SGSM1: variants seen among roughly 807,000 people sequenced by gnomAD.
SGSM1 encodes the protein RUN and TBC1 domain containing 2.
Under a neutral mutation model 133.8 loss-of-function variants are expected in SGSM1, and 73 were observed. That is an observed-to-expected ratio of 0.55 (90% confidence interval 0.45 to 0.66). The LOEUF is 0.66. Ranked by LOEUF, SGSM1 falls within the 30% of genes least tolerant of loss-of-function variation. SGSM1 has a pLI of 0.00. For synonymous variants in SGSM1, 563 were observed against 573.0 expected (o/e 0.98, Z 0.25); for missense variants, 1,213 against 1,448.1 (o/e 0.84, Z 2.64).
chr22:24,903,952 A>G (rs1933260585), intron 20 of SGSM1, among the ~76,000 whole-genome samples: 1 of 148,698 alleles, frequency 6.7e-6, no homozygotes, highest in Non-Finnish European at 1.5e-5. Context: ...AGCATGGGCA[A>G]CAAGAACAAA....
chr22:24,899,035 A>C lies in SGSM1; in HGVS notation c.2610+476A>C, dbSNP rs891179599. On this transcript the variant is annotated intron_variant, in intron 19 of 24. Transcript: ENST00000400358. ...GAGCAAGATCTCAAAAAAAAAAAAA[A>C]AAAAAAAAAAAACGTGTACAGTGTT... 2.1e-3 allele frequency among the ~76,000 whole-genome samples: 315 copies of C among 149,356 alleles called. 1 individual carries two copies. Among genetic ancestry groups the C allele is most frequent in the Non-Finnish European group, 4.0e-3 (263 of 66,138 alleles).
At chr22:24,845,000 T>G (rs1930015105) in intron 3 of SGSM1, 28 bp downstream of exon 3, 3 of 1,608,668 alleles carry the variant, frequency 1.9e-6, no homozygotes, top group East Asian at 4.5e-5. Context: ...GAAAGTGGCT[T>G]CTTTCTCTGT....
At chr22:24,920,146 C>T (rs1933956102) in intron 24 of SGSM1, among the ~76,000 whole-genome samples, 153 bp downstream of exon 24, 3 of 152,112 alleles carry the variant, frequency 2.0e-5, no homozygotes, top group Non-Finnish European at 2.9e-5. Flanking sequence ...TCCAAAAGGA[C>T]GAGTTCACAT....
intron 22 of SGSM1, among the ~76,000 whole-genome samples, chr22:24,913,135 CA>C (rs994434708): frequency 2.0e-5 from 3 of 151,010 alleles, no homozygotes; most frequent in Non-Finnish European, 4.4e-5. Context: ...ACTAAAAATA[CA>C]AAAAAAATTA....
In SGSM1 at chr22:24,847,673, G is replaced by C; in HGVS notation, c.179G>C (p.Arg60Pro). 2 of 1,613,720 alleles carry C rather than the reference G, an allele frequency of 1.2e-6. No individual in the cohort carries two copies. Among genetic ancestry groups the C allele is most frequent in the Non-Finnish European group, 1.7e-6 (2 of 1,179,848 alleles). ...EACVLHGLRR[R>P]AAGFLRSNKI... ...TGCGTTCTGCACGGGCTTCGGCGGC[G>C]GGCGGCTGGCTTCCTACGCAGCAAT... is the stretch of plus-strand genomic sequence containing the variant. Residue 60 changes from arginine (R) to proline (P), a missense_variant, in exon 4 of 25, where the codon CGG becomes CCG. By Grantham distance (103) the Arg-to-Pro change is moderately radical. Transcript: ENST00000400358.
intron 21 of SGSM1, among the ~76,000 whole-genome samples, chr22:24,909,388 T>C (rs939817728): frequency 2.6e-5 from 4 of 152,214 alleles, no homozygotes; most frequent in Admixed American, 1.3e-4. Context: ...TATGGAGAAA[T>C]TGGAAGCTTT....
chr22:24,849,347 A>G (rs1038865327), intron 4 of SGSM1, among the ~76,000 whole-genome samples: 6 of 152,090 alleles, frequency 3.9e-5, no homozygotes, highest in African/African-American at 1.2e-4. Context: ...TGAGGTCAGG[A>G]GTTCAAGACC....
intron 2 of SGSM1, among the ~76,000 whole-genome samples, chr22:24,811,497 T>G (rs1927740390): frequency 6.6e-6 from 1 of 152,036 alleles, no homozygotes; most frequent in Admixed American, 6.6e-5. Context: ...AGGGGAAACT[T>G]CCCCAGAATG....
chr22:24,903,354 G>T (rs1275283078), intron 20 of SGSM1, among the ~76,000 whole-genome samples: 3 of 151,708 alleles, frequency 2.0e-5, no homozygotes, highest in Non-Finnish European at 4.4e-5. Flanking sequence ...GACTATAGGT[G>T]CACGCTGCCA....
intron 2 of SGSM1, chr22:24,814,069 A>G (rs943864027): frequency 2.6e-5 from 4 of 152,146 alleles, no homozygotes; most frequent in Non-Finnish European, 5.9e-5. Flanking sequence ...CAGCTCCAGG[A>G]TTCCAAGAAC....
rs537086983 is a variant in SGSM1, at chr22:24,859,952, T to C, written c.926+112T>C. On this transcript the variant is annotated intron_variant, in intron 9 of 24. Coordinates refer to ENST00000400358, the MANE Select transcript of SGSM1 (RefSeq NM_001098497.3). ...GTATCCCGCCCCTGCTTCTGCCCCCTCCTCTGCCTGGTTGTTAGGACCACT... is the reference window on the plus strand; with the variant it reads ...GTATCCCGCCCCTGCTTCTGCCCCCCCCTCTGCCTGGTTGTTAGGACCACT... 4.4e-5 allele frequency: 64 copies of C among 1,448,714 alleles called. No homozygotes were observed. The African/African-American group carries it at 7.3e-4, about 16-fold the overall frequency. The allele number at this position is 1,448,714 out of a possible 1,614,324, so 89.7% of individuals were successfully genotyped here.
At chr22:24,835,053 C>T (rs772711420) in intron 2 of SGSM1, among the ~76,000 whole-genome samples, 1 of 152,148 alleles carries the variant, frequency 6.6e-6, no homozygotes, top group African/African-American at 2.4e-5. Flanking sequence ...CCCTCCTTTC[C>T]TCCTAGGCAA....
chr22:24,822,148 T>A (rs1928517476), intron 2 of SGSM1, among the ~76,000 whole-genome samples: 1 of 143,398 alleles, frequency 7.0e-6, no homozygotes, highest in Non-Finnish European at 1.5e-5. Context: ...TGGAGTGCAG[T>A]GGCACGATCT....
chr22:24,924,304 A>G lies in SGSM1; in HGVS notation c.*30A>G, dbSNP rs980259927. 1.4e-5 allele frequency: 22 copies of G among 1,589,238 alleles called. No individual in the cohort carries two copies. Among genetic ancestry groups the G allele is most frequent in the Middle Eastern group, 1.7e-4 (1 of 5,760 alleles). On this transcript the variant is annotated 3_prime_UTR_variant, in exon 25 of 25. Transcript: ENST00000400358. ...CACCTCACCCCGGCAGCCTCAGCCA[A>G]GCTGCCCCTGCCCCGCTCCTCTGCT...
At chr22:24,871,292 G>A (rs1171505615) in intron 12 of SGSM1, among the ~76,000 whole-genome samples, 1 of 152,128 alleles carries the variant, frequency 6.6e-6, no homozygotes, top group Non-Finnish European at 1.5e-5. Flanking sequence ...CTGCCACTGC[G>A]GTGTGGTTAA....
rs1601965537 is a variant in SGSM1, at chr22:24,895,218, C to T, written c.1954-5C>T. On this transcript the variant is annotated splice_polypyrimidine_tract_variant and splice_region_variant and intron_variant, in intron 17 of 24. Transcript: ENST00000400358. ...CTCCCTCCCTCCTGCTCTTTCTTTT[C>T]TCAGTCCTCCCAGAGCTGCAGTTCG... 1 of 1,184,674 alleles carries T rather than the reference C, an allele frequency of 8.4e-7. No individual in the cohort carries two copies. Among genetic ancestry groups the T allele is most frequent in the African/African-American group, 1.6e-5 (1 of 63,588 alleles). The allele number at this position is 1,184,674 out of a possible 1,614,324, so 73.4% of individuals were successfully genotyped here.
chr22:24,838,080 T>G (rs1194147475), intron 2 of SGSM1, among the ~76,000 whole-genome samples: 3 of 152,252 alleles, frequency 2.0e-5, no homozygotes, highest in African/African-American at 7.2e-5. Flanking sequence ...TGTGTTGAAG[T>G]CTTTGGTCCA....
At chr22:24,868,881 G>C (rs769879050) in intron 12 of SGSM1, 26 bp downstream of exon 12, 1 of 1,610,580 alleles carries the variant, frequency 6.2e-7, no homozygotes, top group African/African-American at 1.3e-5. Flanking sequence ...CCGGGCCCCG[G>C]GGAGTCACCT....
In SGSM1 at chr22:24,855,286, G is replaced by A. The variant is rs1202896994; in HGVS notation, c.525G>A (p.Val175=). 6.2e-7 allele frequency: 1 copy of A among 1,609,886 alleles called. No homozygotes were observed. Among genetic ancestry groups the A allele is most frequent in the Non-Finnish European group, 8.5e-7 (1 of 1,178,088 alleles). The change falls in exon 7 of 25, where the codon GTG becomes GTA. Residue 175 remains valine (V), a splice_region_variant and synonymous_variant. Transcript: ENST00000400358. The part of the protein sequence containing the change: ...VDGPILASLL[V]GPCALEYTKM... ...TTCCAGCCCCCACATGCCCCTCAGTGGGGCCCTGTGCCCTAGAGTACACCA... is the reference window on the plus strand; with the variant it reads ...TTCCAGCCCCCACATGCCCCTCAGTAGGGCCCTGTGCCCTAGAGTACACCA...
Sources: gnomAD v4.1 joint callset for allele counts (sites outside exome capture counted in the v4.1 genomes callset) on GRCh38, gnomAD v4.1.1 for gene constraint, MANE v1.5 for transcripts, NCBI Gene and HGNC (gene_info 2026-07-23, HGNC 2026-07-21) for gene names.